The following ARHGAP32 variants were observed in gnomAD, a reference collection of about 807,000 sequenced individuals.
The protein encoded by ARHGAP32 is Rho GTPase activating protein 32, also known as rho GTPase-activating protein 32.
In ARHGAP32, 51 loss-of-function variants were observed where a neutral mutation model predicts 186.5. That is an observed-to-expected ratio of 0.27 (90% CI 0.22 to 0.35). The LOEUF (loss-of-function observed/expected upper bound fraction) is 0.35. ARHGAP32 is among the 10% of genes least tolerant of loss of function. The pLI is 1.00. For synonymous variants in ARHGAP32, 950 were observed against 964.3 expected (o/e 0.99, Z 0.27); for missense variants, 2,186 against 2,623.5 (o/e 0.83, Z 3.64).
chr11:129,144,693 T>C (rs973848643), intron 2 of ARHGAP32, among the ~76,000 whole-genome samples: 6 of 152,256 alleles, frequency 3.9e-5, no homozygotes, highest in South Asian at 2.1e-4. Context: ...CAAGGGTAAA[T>C]TGTATCACTA....
chr11:129,165,845 C>T (rs1031770703), intron 1 of ARHGAP32, among the ~76,000 whole-genome samples: 1 of 151,854 alleles, frequency 6.6e-6, no homozygotes, highest in Non-Finnish European at 1.5e-5. Context: ...AGTTTAAACA[C>T]TATGGAAACA....
chr11:129,215,014 G>A (rs1240536461), intron 1 of ARHGAP32, among the ~76,000 whole-genome samples: 1 of 152,154 alleles, frequency 6.6e-6, no homozygotes, highest in East Asian at 1.9e-4. Context: ...CAGCCGCTTA[G>A]GAACACTCAA....
intron 2 of ARHGAP32, among the ~76,000 whole-genome samples, chr11:129,125,693 T>A (rs1398112875): frequency 1.3e-5 from 2 of 151,908 alleles, no homozygotes; most frequent in Admixed American, 6.6e-5. Context: ...CTTTTTTTTT[T>A]AAATAGGACT....
intron 10 of ARHGAP32, among the ~76,000 whole-genome samples, chr11:129,043,456 G>A (rs570663820): frequency 1.4e-5 from 2 of 142,902 alleles, no homozygotes; most frequent in East Asian, 2.1e-4. Flanking sequence ...ACGCGACCTC[G>A]GCTCACTGTA....
chr11:129,060,695 A>G (rs575842409), intron 10 of ARHGAP32, among the ~76,000 whole-genome samples: 1 of 152,326 alleles, frequency 6.6e-6, no homozygotes, highest in East Asian at 1.9e-4. Context: ...TCTGGTCTTA[A>G]CAACCAAATT....
In ARHGAP32 at chr11:128,972,639, G is replaced by C. The variant is rs751143527; in HGVS notation, c.3867C>G (p.Thr1289=). 1.2e-6 allele frequency: 2 copies of C among 1,613,012 alleles called. No homozygotes were observed. Among genetic ancestry groups the C allele is most frequent in the South Asian group, 2.2e-5 (2 of 90,940 alleles). ...CAGCCACATCCCAGCTGGCTTCCTTGGTGCTCATTTGGGCTGTTGCTGGAG... is the reference window on the plus strand; with the variant it reads ...CAGCCACATCCCAGCTGGCTTCCTTCGTGCTCATTTGGGCTGTTGCTGGAG... The part of the protein sequence containing the change: ...TTTPATAQMS[T]KEASWDVAEQ... The change falls in exon 22 of 23, where the codon ACC becomes ACG. Residue 1289 remains threonine, a synonymous_variant. Coordinates refer to ENST00000682385, the MANE Select transcript of ARHGAP32 (RefSeq NM_001378024.1).
chr11:129,066,520 G>C (rs1940694548), intron 7 of ARHGAP32, among the ~76,000 whole-genome samples: 1 of 151,884 alleles, frequency 6.6e-6, no homozygotes, highest in Non-Finnish European at 1.5e-5. Context: ...ATATTGTTAT[G>C]AGTTGTTTTC....
At chr11:129,108,949 T>G in intron 5 of ARHGAP32, among the ~76,000 whole-genome samples, 1 of 152,160 alleles carries the variant, frequency 6.6e-6, no homozygotes, top group East Asian at 1.9e-4. Flanking sequence ...TTCGGCTACT[T>G]TGAAATACAC....
chr11:129,073,440 G>A lies in ARHGAP32; in HGVS notation c.532-6572C>T, dbSNP rs575105981. On this transcript the variant is annotated intron_variant, in intron 6 of 22. Coordinates refer to ENST00000682385, the MANE Select transcript of ARHGAP32 (RefSeq NM_001378024.1). Reference sequence around the variant, plus strand: ...AATGCTAGAGATCAAAAGCAGAAATGATGAATGTCTTTGATGGATTCATTA... The same window carrying A: ...AATGCTAGAGATCAAAAGCAGAAATAATGAATGTCTTTGATGGATTCATTA... Among the ~76,000 whole-genome samples, 592 of 152,270 alleles carry A rather than the reference G, an allele frequency of 3.9e-3. 2 individuals carry two copies. Among genetic ancestry groups the A allele is most frequent in the African/African-American group, 0.014 (566 of 41,564 alleles).
intron 6 of ARHGAP32, among the ~76,000 whole-genome samples, chr11:129,073,256 C>T (rs1190962198): frequency 6.6e-6 from 1 of 152,080 alleles, no homozygotes; most frequent in African/African-American, 2.4e-5. Flanking sequence ...AGACTGAAGA[C>T]ACATCAGAAA....
chr11:129,238,147 G>A (rs1386144333), intron 1 of ARHGAP32, among the ~76,000 whole-genome samples: 2 of 152,120 alleles, frequency 1.3e-5, no homozygotes, highest in African/African-American at 4.8e-5. Flanking sequence ...CTAAGCTTGA[G>A]TGAAATTAAT....
At chr11:129,197,791 A>G (rs1260267523) in intron 1 of ARHGAP32, among the ~76,000 whole-genome samples, 2 of 152,290 alleles carry the variant, frequency 1.3e-5, no homozygotes, top group East Asian at 1.9e-4. Context: ...AGATTTTTTT[A>G]TAACAATCAT....
At chr11:129,102,443 T>C (rs535990771) in intron 5 of ARHGAP32, among the ~76,000 whole-genome samples, 2 of 152,312 alleles carry the variant, frequency 1.3e-5, no homozygotes, top group African/African-American at 4.8e-5. Context: ...TGGTATGCTG[T>C]CTTCAAGACA....
At chr11:129,247,617 G>A (rs185095392) in intron 1 of ARHGAP32, among the ~76,000 whole-genome samples, 34 of 152,186 alleles carry the variant, frequency 2.2e-4, no homozygotes, top group African/African-American at 7.7e-4. Context: ...CATATGAAAG[G>A]TATGATACAG....
At chr11:129,144,209 T>C (rs776521411) in intron 2 of ARHGAP32, among the ~76,000 whole-genome samples, 5 of 152,162 alleles carry the variant, frequency 3.3e-5, no homozygotes, top group Non-Finnish European at 4.4e-5. Flanking sequence ...TGCAGGTCCT[T>C]AGAAAAATCA....
chr11:129,166,389 A>G (rs941379263), intron 1 of ARHGAP32, among the ~76,000 whole-genome samples: 1 of 152,152 alleles, frequency 6.6e-6, no homozygotes, highest in African/African-American at 2.4e-5. Context: ...TGAAATCATC[A>G]AACTAAAGAT....
intron 6 of ARHGAP32, among the ~76,000 whole-genome samples, chr11:129,073,289 GTT>G (rs1216110896): frequency 1.3e-5 from 2 of 152,202 alleles, no homozygotes; most frequent in Non-Finnish European, 2.9e-5. Context: ...TGGCAGGAAT[GTT>G]GGAATTATCA....
intron 11 of ARHGAP32, among the ~76,000 whole-genome samples, chr11:129,037,065 T>C (rs1939373708): frequency 6.6e-6 from 1 of 152,164 alleles, no homozygotes; most frequent in Non-Finnish European, 1.5e-5. Flanking sequence ...GGACTTGCCA[T>C]GAACAATAAG....
chr11:129,271,481 C>G (rs1832884076), intron 1 of ARHGAP32, among the ~76,000 whole-genome samples: 1 of 151,816 alleles, frequency 6.6e-6, no homozygotes, highest in Non-Finnish European at 1.5e-5. Flanking sequence ...AAGTCACCAA[C>G]AGGAAGAGTA....
Sources: allele counts gnomAD v4.1 joint callset (sites outside exome capture counted in the v4.1 genomes callset), GRCh38; gene constraint gnomAD v4.1.1; transcripts MANE v1.5; gene names NCBI Gene and HGNC (gene_info 2026-07-23, HGNC 2026-07-21).